ASXL1: variants seen among roughly 807,000 people sequenced by gnomAD.
ASXL1 encodes polycomb group protein ASXL1.
Under a neutral mutation model 89.1 loss-of-function variants are expected in ASXL1, and 65 were observed. That is an observed-to-expected ratio of 0.73 (90% CI 0.60 to 0.90). The LOEUF (loss-of-function observed/expected upper bound fraction) is 0.90. ASXL1 is among the 40% of genes least tolerant of loss of function. The pLI is 0.00. For synonymous variants in ASXL1, 739 were observed against 746.9 expected (o/e 0.99, Z 0.17); for missense variants, 1,786 against 1,942.9 (o/e 0.92, Z 1.52).
chr20:32,408,982 T>A, intron 4 of ASXL1, among the ~76,000 whole-genome samples: 1 of 152,156 alleles, frequency 6.6e-6, no homozygotes, highest in East Asian at 1.9e-4. Context: ...TAAATTAATT[T>A]ATTTTTTTGA....
chr20:32,420,474 T>A (rs923987768), intron 4 of ASXL1, among the ~76,000 whole-genome samples: 8 of 152,204 alleles, frequency 5.3e-5, no homozygotes, highest in Admixed American at 5.2e-4. Context: ...TATTTTGGTT[T>A]ACTTATTACA....
chr20:32,359,357 T>A, intron 1 of ASXL1: 1 of 702,522 alleles, frequency 1.4e-6, no homozygotes, highest in Non-Finnish European at 2.6e-6. Flanking sequence ...AAGCAAGTGC[T>A]TACTCCCAGC....
intron 4 of ASXL1, among the ~76,000 whole-genome samples, chr20:32,377,052 A>G (rs906600658): frequency 6.3e-5 from 9 of 142,136 alleles, no homozygotes. Flanking sequence ...AACAGATATA[A>G]TATGTCTATT....
chr20:32,401,550 T>TC (rs71187117), intron 4 of ASXL1, among the ~76,000 whole-genome samples: 281 of 129,900 alleles, frequency 2.2e-3, no homozygotes, highest in Middle Eastern at 7.7e-3. Context: ...GTGTGTTTTT[T>TC]CCCCCCCCCC....
intron 12 of ASXL1, 115 bp from the exon 13 acceptor site, chr20:32,434,316 AT>A: frequency 7.6e-7 from 1 of 1,310,042 alleles, no homozygotes; most frequent in Non-Finnish European, 1.1e-6. Flanking sequence ...TTTTAAGGAA[AT>A]TATTTGATTC....
rs6057569 is a variant in ASXL1 at position 32,395,088 on chromosome 20, A to G, written c.252+25965A>G. Among the ~76,000 whole-genome samples the G allele has an allele frequency of 7.2e-3, 1,090 of 152,260 alleles. 13 individuals are homozygous for G. The highest frequency in any genetic ancestry group is 0.024 in the African/African-American group (999 of 41,550). On this transcript the variant is annotated intron_variant, in intron 4 of 12. Transcript: ENST00000375687. ...CCATTTCTGGTGTTCTTTATTGCCT[A>G]TGAGCGGTTCCAGATTCTCATCTGC...
At chr20:32,375,038 C>T (rs1418933162) in intron 4 of ASXL1, among the ~76,000 whole-genome samples, 4 of 152,084 alleles carry the variant, frequency 2.6e-5, no homozygotes, top group Non-Finnish European at 5.9e-5. Context: ...ATCTGGTCAG[C>T]GTTTTGCCAT....
At chr20:32,390,304 T>C (rs921221797) in intron 4 of ASXL1, among the ~76,000 whole-genome samples, 1 of 152,236 alleles carries the variant, frequency 6.6e-6, no homozygotes, top group African/African-American at 2.4e-5. Flanking sequence ...ATCACTTTCA[T>C]ATACCATCGT....
At chr20:32,378,156 ATTTGTGTGTGTGTGTG>A (rs1186250246) in intron 4 of ASXL1, among the ~76,000 whole-genome samples, 1 of 44,416 alleles carries the variant, frequency 2.3e-5, no homozygotes, top group Non-Finnish European at 4.8e-5. Context: ...TGGCTGAGTA[ATTTGTGTGTGTGTGTG>A]TGTGTGTGTG....
intron 4 of ASXL1, among the ~76,000 whole-genome samples, chr20:32,376,045 TTA>T (rs974341953): frequency 3.9e-4 from 60 of 152,094 alleles, no homozygotes; most frequent in African/African-American, 1.3e-3. Context: ...CCGGAATCCT[TTA>T]TGTTTTACTG....
At chr20:32,399,886 C>T (rs1411056279) in intron 4 of ASXL1, among the ~76,000 whole-genome samples, 7 of 149,812 alleles carry the variant, frequency 4.7e-5, no homozygotes, top group East Asian at 3.9e-4. Context: ...CTCAGCCTCC[C>T]GAGTAGCTGG....
At position 32,386,451 on chromosome 20, in the gene ASXL1, T is replaced by G. The variant is rs549213631; in HGVS notation, c.252+17328T>G. Among the ~76,000 whole-genome samples, 10 of 152,188 alleles carry G rather than the reference T, an allele frequency of 6.6e-5. No homozygotes were observed. The South Asian group carries it at 2.1e-3, about 32-fold the overall frequency. ...TTTTTTTTTTGAGACAGAGTCTTGT[T>G]CTGTTGCCCAGGCTGGAGTGCAGTG... is the stretch of plus-strand genomic sequence containing the variant. On this transcript the variant is annotated intron_variant, in intron 4 of 12. Transcript: ENST00000375687.
At chr20:32,378,576 T>C (rs1219181158) in intron 4 of ASXL1, among the ~76,000 whole-genome samples, 1 of 152,162 alleles carries the variant, frequency 6.6e-6, no homozygotes, top group Non-Finnish European at 1.5e-5. Flanking sequence ...CTTAAGCTTT[T>C]CCTAAAGTCA....
chr20:32,384,955 C>T (rs1302728488), intron 4 of ASXL1, among the ~76,000 whole-genome samples: 1 of 151,758 alleles, frequency 6.6e-6, no homozygotes. Context: ...CTCTAGGCTT[C>T]CTTGGGACTG....
intron 1 of ASXL1, 151 bp downstream of exon 1, chr20:32,358,983 C>A: frequency 1.2e-6 from 1 of 866,494 alleles, no homozygotes; most frequent in South Asian, 1.9e-5. Context: ...CCCCGCAAGG[C>A]GAGGGGTGGG....
intron 4 of ASXL1, among the ~76,000 whole-genome samples, chr20:32,421,866 CTTTTT>C (rs71299232): frequency 9.5e-6 from 1 of 105,254 alleles, no homozygotes; most frequent in African/African-American, 3.5e-5. Flanking sequence ...GGTTTCTTTT[CTTTTT>C]TTTTTTTTTT....
chr20:32,366,661 A>G, intron 2 of ASXL1, 195 bp downstream of exon 2: 1 of 783,074 alleles, frequency 1.3e-6, no homozygotes. Context: ...ATTTGTTTTC[A>G]TTTAGAGGTG....
At chr20:32,410,862 C>G (rs1228332531) in intron 4 of ASXL1, among the ~76,000 whole-genome samples, 1 of 151,910 alleles carries the variant, frequency 6.6e-6, no homozygotes, top group Non-Finnish European at 1.5e-5. Context: ...AACCCTGTCT[C>G]TGCTAAAAAT....
At chr20:32,374,152 C>T (rs752228220) in intron 4 of ASXL1, among the ~76,000 whole-genome samples, 9 of 152,048 alleles carry the variant, frequency 5.9e-5, no homozygotes, top group Non-Finnish European at 1.0e-4. Flanking sequence ...GGACTACAGG[C>T]GCATGCCACC....
Sources: gnomAD v4.1 joint callset for allele counts (sites outside exome capture counted in the v4.1 genomes callset) on GRCh38, gnomAD v4.1.1 for gene constraint, MANE v1.5 for transcripts, NCBI Gene and HGNC (gene_info 2026-07-23, HGNC 2026-07-21) for gene names.